The following SPEN variants were observed in gnomAD, a reference collection of about 807,000 sequenced individuals.
SPEN encodes the protein msx2-interacting protein.
In SPEN, 18 loss-of-function variants were observed where a neutral mutation model predicts 269.9. The ratio of observed to expected loss-of-function variants is 0.07; its 90% CI spans 0.05 to 0.10. SPEN has a LOEUF of 0.10. SPEN is among the 10% of genes least tolerant of loss of function. SPEN has a pLI of 1.00. For synonymous variants in SPEN, 1,726 were observed against 1,765.7 expected (o/e 0.98, Z 0.56); for missense variants, 3,822 against 4,631.2 (o/e 0.83, Z 5.07).
At chr1:15,916,744 A>G (rs2071070795) in intron 6 of SPEN, among the ~76,000 whole-genome samples, 2 of 151,810 alleles carry the variant, frequency 1.3e-5, no homozygotes, top group South Asian at 4.2e-4. Flanking sequence ...ACCCATTTTT[A>G]TCTTTCTTTG....
intron 3 of SPEN, among the ~76,000 whole-genome samples, chr1:15,879,565 A>G (rs2070666737): frequency 6.6e-6 from 1 of 152,160 alleles, no homozygotes; most frequent in African/African-American, 2.4e-5. Context: ...TTAGTGAGAA[A>G]GAGGATTTTT....
chr1:15,882,684 A>G (rs1570000803), intron 3 of SPEN, among the ~76,000 whole-genome samples: 1 of 152,286 alleles, frequency 6.6e-6, no homozygotes, highest in East Asian at 1.9e-4. Flanking sequence ...CTTATTTGCC[A>G]TGAGCCGAGG....
At chr1:15,895,876 G>T (rs2070837181) in intron 3 of SPEN, among the ~76,000 whole-genome samples, 2 of 151,626 alleles carry the variant, frequency 1.3e-5, no homozygotes, top group Admixed American at 6.6e-5. Flanking sequence ...TAGAGTTGGG[G>T]TTTCTCCATG....
intron 1 of SPEN, among the ~76,000 whole-genome samples, chr1:15,872,060 C>T (rs1357114688): frequency 6.6e-6 from 1 of 151,372 alleles, no homozygotes; most frequent in African/African-American, 2.4e-5. Flanking sequence ...CATGGCGAAA[C>T]CCCATCTCTA....
At position 15,930,825 on chromosome 1, in the gene SPEN, C is replaced by T; in HGVS notation, c.4585C>T (p.Arg1529Cys). Residue 1529 changes from arginine (R) to cysteine (C), a missense_variant, in exon 11 of 15, where the codon CGT (arginine) becomes TGT (cysteine). Physicochemically the swap from Arg to Cys is radical, Grantham distance 180. Transcript: ENST00000375759. This position sits in a 1 kb window ranked among gnomAD's most constrained non-coding sequence, Gnocchi z 5.3. ...EQERQELFAS[R>C]FLHSSIFEQD... Reference sequence around the variant, plus strand: ...AGAGAGGCAGGAATTGTTTGCTTCTCGTTTTTTACACAGCTCAATCTTTGA... The same window carrying T: ...AGAGAGGCAGGAATTGTTTGCTTCTTGTTTTTTACACAGCTCAATCTTTGA... 1 of 1,614,104 alleles carries T rather than the reference C, an allele frequency of 6.2e-7. No individual in the cohort carries two copies. The highest frequency in any genetic ancestry group is 8.5e-7 in the Non-Finnish European group (1 of 1,180,022).
chr1:15,932,080 C>G lies in SPEN; in HGVS notation c.5840C>G (p.Thr1947Ser), dbSNP rs1260605422. The change falls in exon 11 of 15, where the codon ACC (threonine) becomes AGC (serine). Residue 1947 changes from threonine to serine, a missense_variant. Physicochemically the swap from Thr to Ser is moderately conservative, Grantham distance 58. Around this residue, in one of 16 missense-constraint regions of SPEN, gnomAD observed 533 missense variants for 618.8 expected, o/e 0.86. Transcript: ENST00000375759. The surrounding 1 kb of genome is among the most constrained non-coding windows in gnomAD (Gnocchi z 4.2). ...CAGGAGGCTGCAGCGGTTCCCACCA[C>G]CCCTCGGAGGGGAAGGCCTCCAAAG... ...ELQEAAAVPTTPRRGRPPKTR... is the reference protein window; with the variant it reads ...ELQEAAAVPTSPRRGRPPKTR... 1.9e-6 allele frequency: 3 copies of G among 1,614,102 alleles called. No individual in the cohort carries two copies. In the Admixed American group the frequency reaches 5.0e-5, roughly 27 times the overall value.
In SPEN at chr1:15,936,023, T is replaced by A; in HGVS notation, c.9783T>A (p.Pro3261=). ...PVPVPLPAPA[P]APHGEARILT... ...CTGTCCCCCTTCCTGCCCCTGCTCCTGCCCCTCATGGTGAGGCCCGTATCC... is the reference window on the plus strand; with the variant it reads ...CTGTCCCCCTTCCTGCCCCTGCTCCAGCCCCTCATGGTGAGGCCCGTATCC... The change falls in exon 11 of 15, where the codon CCT becomes CCA. Residue 3261 remains proline (P), a synonymous_variant. Transcript: ENST00000375759. 2.2e-6 allele frequency: 3 copies of A among 1,356,014 alleles called. No individual in the cohort carries two copies. Among genetic ancestry groups the A allele is most frequent in the Non-Finnish European group, 2.9e-6 (3 of 1,029,594 alleles). 84.0% of individuals were successfully genotyped at this position (1,356,014 alleles called of 1,614,324 possible). A position where few individuals can be genotyped will look rare whatever the true frequency, so the allele number is the denominator to read the frequency against.
chr1:15,933,248 C>G lies in SPEN; in HGVS notation c.7008C>G (p.Thr2336=). 6.2e-7 allele frequency: 1 copy of G among 1,614,132 alleles called. No homozygotes were observed. Residue 2336 remains threonine, a synonymous_variant, in exon 11 of 15, where the codon ACC becomes ACG. Transcript: ENST00000375759. The surrounding 1 kb of genome is among the most constrained non-coding windows in gnomAD (Gnocchi z 5.7). ...VRKDKGRQKT[T]RSRRKRNTNK... is the part of the protein sequence containing the mutation. ...AAGACAAAGGGCGCCAGAAAACAAC[C>G]CGATCACGCCGCAAGCGAAACACAA...
intron 10 of SPEN, among the ~76,000 whole-genome samples, chr1:15,924,577 C>T (rs778868028): frequency 3.9e-5 from 6 of 152,122 alleles, no homozygotes; most frequent in African/African-American, 9.7e-5. Flanking sequence ...TCTCCTGCCT[C>T]GGGCTCCAGA....
rs2071333224 is a variant in SPEN at position 15,940,331 on chromosome 1, TC to T, written c.*906del. On this transcript the variant is annotated 3_prime_UTR_variant, in exon 15 of 15. Coordinates refer to ENST00000375759, the MANE Select transcript of SPEN (RefSeq NM_015001.3). ...TACAAAAAGACTGGCTAACCCCTCT[TC>T]CTATTACCTTGATCTCTTCCCCCAA... 4.3e-6 allele frequency: 1 copy of T among 233,236 alleles called. No individual in the cohort carries two copies. The highest frequency in any genetic ancestry group is 8.5e-6 in the Non-Finnish European group (1 of 117,786). The allele number at this position is 233,236 out of a possible 1,614,324, so 14.4% of individuals were successfully genotyped here.
chr1:15,900,241 T>C (rs530794196), intron 3 of SPEN, among the ~76,000 whole-genome samples: 2 of 152,348 alleles, frequency 1.3e-5, no homozygotes, highest in East Asian at 3.9e-4. Flanking sequence ...TTTTTCTAAT[T>C]TCTTCTGAGC....
intron 1 of SPEN, among the ~76,000 whole-genome samples, chr1:15,870,823 G>A (rs1227230507): frequency 2.0e-5 from 3 of 152,178 alleles, no homozygotes; most frequent in African/African-American, 7.2e-5. Context: ...TTGATGCTTT[G>A]GAAGTTATGG....
At chr1:15,894,999 C>T (rs567004467) in intron 3 of SPEN, among the ~76,000 whole-genome samples, 2 of 151,982 alleles carry the variant, frequency 1.3e-5, no homozygotes, top group African/African-American at 4.8e-5. Flanking sequence ...CTTGGCTCAC[C>T]GCAAACTCTG....
intron 6 of SPEN, among the ~76,000 whole-genome samples, chr1:15,918,195 AT>A (rs2071082913): frequency 6.6e-6 from 1 of 152,194 alleles, no homozygotes. Flanking sequence ...AAGAACAAAG[AT>A]TTATTAATCT....
intron 4 of SPEN, 144 bp from the exon 5 acceptor site, chr1:15,910,957 C>T (rs2071006732): frequency 3.0e-6 from 2 of 661,102 alleles, no homozygotes; most frequent in Middle Eastern, 4.3e-4. Context: ...GTGTGCCTCC[C>T]TCAGACCTTG....
chr1:15,931,266 C>T lies in SPEN; in HGVS notation c.5026C>T (p.Pro1676Ser), dbSNP rs1460201585. 4 of 1,614,164 alleles carry T rather than the reference C, an allele frequency of 2.5e-6. No individual in the cohort carries two copies. In the African/African-American group the frequency reaches 4.0e-5, roughly 16 times the overall value. Residue 1676 changes from proline (P) to serine (S), a missense_variant, in exon 11 of 15, where the codon CCA becomes TCA. Pro to Ser is a moderately conservative substitution (Grantham distance 74). Around this residue, in one of 16 missense-constraint regions of SPEN, gnomAD observed 533 missense variants for 618.8 expected, o/e 0.86. Coordinates refer to ENST00000375759, the MANE Select transcript of SPEN (RefSeq NM_015001.3). This position sits in a 1 kb window ranked among gnomAD's most constrained non-coding sequence, Gnocchi z 4.8. ...PLVTEEKTVE[P>S]ATVSEEAKPA... is the part of the protein sequence containing the mutation. ...GGTAACAGAAGAGAAGACTGTGGAG[C>T]CAGCTACCGTCTCAGAAGAAGCAAA... is the stretch of plus-strand genomic sequence containing the variant.
chr1:15,889,352 G>A (rs1199976047), intron 3 of SPEN, among the ~76,000 whole-genome samples: 1 of 151,966 alleles, frequency 6.6e-6, no homozygotes, highest in Non-Finnish European at 1.5e-5. Flanking sequence ...TTTTAGTAGA[G>A]ATGGGGTTTC....
Position 15,922,115 on chromosome 1 carries a change from T to G in SPEN, c.1750-134T>G, listed in dbSNP as rs2148734677. 1.7e-5 allele frequency: 11 copies of G among 652,102 alleles called. No homozygotes were observed. In the South Asian group the frequency reaches 1.9e-4, roughly 11 times the overall value. The allele number at this position is 652,102 out of a possible 1,614,324, so 40.4% of individuals were successfully genotyped here. On this transcript the variant is annotated intron_variant, in intron 9 of 14. Coordinates refer to ENST00000375759, the MANE Select transcript of SPEN (RefSeq NM_015001.3). ...ATATAGTTTCAGTGATGAGGACTGT[T>G]TTACTTGAGATACATTGCTGTTTCC...
At position 15,928,612 on chromosome 1, in the gene SPEN, C is replaced by G. The variant is rs2071191668; in HGVS notation, c.2372C>G (p.Thr791Arg). 3 of 1,613,984 alleles carry G rather than the reference C, an allele frequency of 1.9e-6. No individual in the cohort carries two copies. Among genetic ancestry groups the G allele is most frequent in the South Asian group, 2.2e-5 (2 of 91,070 alleles). Residue 791 changes from threonine to arginine, a missense_variant, in exon 11 of 15, where the codon ACA becomes AGA. Physicochemically the swap from Thr to Arg is moderately conservative, Grantham distance 71 (BLOSUM62 -1). Coordinates refer to ENST00000375759, the MANE Select transcript of SPEN (RefSeq NM_015001.3). The surrounding 1 kb of genome is among the most constrained non-coding windows in gnomAD (Gnocchi z 5.7). The stretch of plus-strand genomic sequence containing the variant: ...GAGCGCTATACAAAAAATGAAAAGA[C>G]AGATAAAGAACGAACTTTTGATCCG... ...RLERYTKNEK[T>R]DKERTFDPER...
Sources: allele counts gnomAD v4.1 joint callset (sites outside exome capture counted in the v4.1 genomes callset), GRCh38; gene constraint gnomAD v4.1.1; regional missense constraint gnomAD v4.1.1; non-coding constraint Gnocchi (gnomAD v3.1); transcripts MANE v1.5; gene names NCBI Gene and HGNC (gene_info 2026-07-23, HGNC 2026-07-21).